The following NCAPD2 variants were observed in gnomAD, a reference collection of about 807,000 sequenced individuals.
The protein encoded by NCAPD2 is condensin complex subunit 1.
A neutral mutation model predicts 164.5 loss-of-function variants in NCAPD2; 100 were observed. The ratio of observed to expected loss-of-function variants is 0.61; its 90% CI spans 0.52 to 0.72. The LOEUF is 0.72. Ranked by LOEUF, NCAPD2 falls within the 30% of genes least tolerant of loss-of-function variation. The pLI is 0.00. For synonymous variants in NCAPD2, 585 were observed against 642.6 expected (o/e 0.91, Z 1.36); for missense variants, 1,560 against 1,749.2 (o/e 0.89, Z 1.93).
Position 6,531,354 on chromosome 12 carries a change from A to G in NCAPD2, c.4148A>G (p.Glu1383Gly). ...CTTTCAGCAGAGATGACAGAAGACG[A>G]GACACCCAAGAAAACAACTCCCATT... ...EDLSAEMTEDETPKKTTPILR... is the reference protein window; with the variant it reads ...EDLSAEMTEDGTPKKTTPILR... The change falls in exon 32 of 32, where the codon GAG becomes GGG. Residue 1383 changes from glutamate to glycine, a missense_variant. Glu to Gly is a moderately conservative substitution (Grantham distance 98, BLOSUM62 -2). Coordinates refer to ENST00000315579, the MANE Select transcript of NCAPD2 (RefSeq NM_014865.4). This position sits in a 1 kb window ranked among gnomAD's most constrained non-coding sequence, Gnocchi z 4.1. The G allele has an allele frequency of 6.2e-7, 1 of 1,613,872 alleles. No individual in the cohort carries two copies. The highest frequency in any genetic ancestry group is 8.5e-7 in the Non-Finnish European group (1 of 1,180,010).
At chr12:6,500,849 A>G (rs1946027695) in intron 2 of NCAPD2, among the ~76,000 whole-genome samples, 1 of 152,166 alleles carries the variant, frequency 6.6e-6, no homozygotes. Flanking sequence ...TTGAGCAGAG[A>G]CTATAAGAGG....
At chr12:6,514,999 C>G in intron 9 of NCAPD2, 79 bp downstream of exon 9, 1 of 1,472,348 alleles carries the variant, frequency 6.8e-7, no homozygotes, top group Non-Finnish European at 9.4e-7. Flanking sequence ...CTTAACAGAA[C>G]AAGAAAGTAG....
At chr12:6,522,063 G>A in intron 15 of NCAPD2, 26 bp downstream of exon 15, 7 of 1,607,436 alleles carry the variant, frequency 4.4e-6, no homozygotes, top group Non-Finnish European at 6.0e-6. Flanking sequence ...TTTCTATAAG[G>A]ACAGCCTTGG....
At chr12:6,525,449 C>A in intron 17 of NCAPD2, 134 bp from the exon 18 acceptor site, 2 of 1,019,734 alleles carry the variant, frequency 2.0e-6, no homozygotes, top group Non-Finnish European at 2.8e-6. Context: ...ACATTTTGAA[C>A]CTCCTCTTTT....
rs777238426 is a variant in NCAPD2, at chr12:6,528,375, G to A, written c.3299+47G>A. 13 of 1,609,676 alleles carry A rather than the reference G, an allele frequency of 8.1e-6. 1 individual carries two copies. The South Asian group carries it at 1.4e-4, about 18-fold the overall frequency. On this transcript the variant is annotated intron_variant, in intron 25 of 31. Transcript: ENST00000315579. This position sits in a 1 kb window ranked among gnomAD's most constrained non-coding sequence, Gnocchi z 5.1. ...GGTGGCAGTTCCCAGGAGCCCCGGA[G>A]TCTGTTGAGAGTCAGTGTGAGAATC...
At position 6,511,204 on chromosome 12, in the gene NCAPD2, A is replaced by G; in HGVS notation, c.539A>G (p.Asp180Gly). Residue 180 changes from aspartate to glycine, a missense_variant, in exon 6 of 32, where the codon GAC becomes GGC. Coordinates refer to ENST00000315579, the MANE Select transcript of NCAPD2 (RefSeq NM_014865.4). The part of the protein sequence containing the change: ...LQLLTQLLQL[D>G]IRHLWNHSII... ...CTTTTAACACAGCTACTTCAGTTGG[A>G]CATCCGTCACCTGTGGAACCACTCA... 6.2e-7 allele frequency: 1 copy of G among 1,614,242 alleles called. No individual in the cohort carries two copies. Among genetic ancestry groups the G allele is most frequent in the Non-Finnish European group, 8.5e-7 (1 of 1,180,048 alleles).
intron 17 of NCAPD2, 47 bp downstream of exon 17, chr12:6,523,393 TG>T (rs772175189): frequency 7.3e-7 from 1 of 1,367,728 alleles, no homozygotes; most frequent in Non-Finnish European, 9.9e-7. Flanking sequence ...ACAAGTATTT[TG>T]GTTGTTTTTT....
chr12:6,504,866 C>T (rs1195682158), intron 2 of NCAPD2, among the ~76,000 whole-genome samples: 1 of 152,096 alleles, frequency 6.6e-6, no homozygotes, highest in Non-Finnish European at 1.5e-5. Flanking sequence ...ACCACAGCTG[C>T]AGACCTCCGT....
At position 6,528,185 on chromosome 12, in the gene NCAPD2, C is replaced by T. The variant is rs376232892; in HGVS notation, c.3156C>T (p.Cys1052=). The change falls in exon 25 of 32, where the codon TGC becomes TGT. Residue 1052 remains cysteine (C), a synonymous_variant. Coordinates refer to ENST00000315579, the MANE Select transcript of NCAPD2 (RefSeq NM_014865.4). The surrounding 1 kb of genome is among the most constrained non-coding windows in gnomAD (Gnocchi z 5.1). ...GKFCMISATF[C]DSQLRLLFTM... ...TTCTTGCTCTTAGTGCCACTTTCTG[C>T]GACTCCCAGCTTCGTCTTCTGTTCA... 105 of 1,614,062 alleles carry T rather than the reference C, an allele frequency of 6.5e-5. No homozygotes were observed. The highest frequency in any genetic ancestry group is 1.6e-4 in the Middle Eastern group (1 of 6,084).
chr12:6,529,074 C>G, intron 27 of NCAPD2, 35 bp downstream of exon 27: 1 of 1,570,786 alleles, frequency 6.4e-7, no homozygotes, highest in African/African-American at 1.4e-5. Context: ...ACATTTTCCA[C>G]ATAGCACGGG....
intron 15 of NCAPD2, among the ~76,000 whole-genome samples, chr12:6,522,545 A>C (rs1347994649): frequency 6.6e-6 from 1 of 151,350 alleles, no homozygotes; most frequent in Admixed American, 6.6e-5. Flanking sequence ...TGGTCATGCC[A>C]CTGCACTCTA....
In NCAPD2 at chr12:6,516,050, G is replaced by T. The variant is rs139126041; in HGVS notation, c.988-778G>T. 9.4e-3 allele frequency among the ~76,000 whole-genome samples: 1,430 copies of T among 151,850 alleles called. 23 individuals carry two copies. The highest frequency in any genetic ancestry group is 0.033 in the African/African-American group (1,368 of 41,374). On this transcript the variant is annotated intron_variant, in intron 9 of 31. Transcript: ENST00000315579. ...CTACTAAAAATACAAAAAAAAATTA[G>T]CTGGGTGTGGTGGCGCGCACCTGTA...
rs1946355810 is a variant in NCAPD2, at chr12:6,529,907, T to C, written c.3786T>C (p.Ala1262=). 6.2e-7 allele frequency: 1 copy of C among 1,614,106 alleles called. No individual in the cohort carries two copies. The highest frequency in any genetic ancestry group is 8.5e-7 in the Non-Finnish European group (1 of 1,180,032). ...TGTCAGATGAGTCCATCTTCAGTGC[T>C]TTTTTGTCAGTTGTAGGCAAGCTGC... ...DKLSDESIFS[A]FLSVVGKLRR... The change falls in exon 29 of 32, where the codon GCT becomes GCC. Residue 1262 remains alanine, a synonymous_variant. Transcript: ENST00000315579.
chr12:6,529,026 C>T lies in NCAPD2; in HGVS notation c.3559C>T (p.His1187Tyr). The change falls in exon 27 of 32, where the codon CAC (histidine) becomes TAC (tyrosine). Residue 1187 changes from histidine (H) to tyrosine (Y), a missense_variant. His to Tyr is a moderately conservative substitution (Grantham distance 83, BLOSUM62 2). Coordinates refer to ENST00000315579, the MANE Select transcript of NCAPD2 (RefSeq NM_014865.4). ...PELGVEEEPFHTIMKQLLSYI... is the reference protein window; with the variant it reads ...PELGVEEEPFYTIMKQLLSYI... The stretch of plus-strand genomic sequence containing the variant: ...GCTGGGGGTGGAGGAAGAGCCTTTC[C>T]ACACCATCATGAAGTATTGCTCCCC... The T allele has an allele frequency of 6.2e-7, 1 of 1,612,520 alleles. No homozygotes were observed. The highest frequency in any genetic ancestry group is 8.5e-7 in the Non-Finnish European group (1 of 1,179,876).
At chr12:6,526,412 T>C (rs1946318591) in intron 20 of NCAPD2, 36 bp from the exon 21 acceptor site, 1 of 1,614,164 alleles carries the variant, frequency 6.2e-7, no homozygotes, top group South Asian at 1.1e-5. Context: ...TTGGGCCCTT[T>C]GTTGCAGTAA....
At chr12:6,506,727 T>G (rs979086794) in intron 2 of NCAPD2, among the ~76,000 whole-genome samples, 3 of 151,946 alleles carry the variant, frequency 2.0e-5, no homozygotes, top group African/African-American at 7.3e-5. Context: ...TACCTGTTGT[T>G]CTAGCTACTC....
chr12:6,520,544 T>A (rs1314494603), intron 13 of NCAPD2, among the ~76,000 whole-genome samples: 1 of 152,232 alleles, frequency 6.6e-6, no homozygotes, highest in Non-Finnish European at 1.5e-5. Context: ...TTGCCCAGAC[T>A]GATCTCAAAT....
intron 2 of NCAPD2, among the ~76,000 whole-genome samples, chr12:6,507,081 A>G (rs1271050140): frequency 6.6e-6 from 1 of 152,216 alleles, no homozygotes; most frequent in Non-Finnish European, 1.5e-5. Flanking sequence ...TCCACCAAGA[A>G]TGGTTGATTA....
intron 6 of NCAPD2, among the ~76,000 whole-genome samples, chr12:6,511,584 C>A (rs1489810896): frequency 6.6e-6 from 1 of 151,978 alleles, no homozygotes; most frequent in Non-Finnish European, 1.5e-5. Context: ...CTGCTTTGGC[C>A]CCCCAAAGTG....
Sources: allele counts gnomAD v4.1 joint callset (sites outside exome capture counted in the v4.1 genomes callset), GRCh38; gene constraint gnomAD v4.1.1; non-coding constraint Gnocchi (gnomAD v3.1); transcripts MANE v1.5; gene names NCBI Gene and HGNC (gene_info 2026-07-23, HGNC 2026-07-21).